Variants in CNTN4 observed in about 807,000 individuals in gnomAD.
CNTN4 encodes the protein contactin 4, also known as contactin-4.
A neutral mutation model predicts 122.5 loss-of-function variants in CNTN4; 77 were observed. The ratio of observed to expected loss-of-function variants is 0.63; its 90% confidence interval spans 0.52 to 0.76. The LOEUF is 0.76. Ranked by LOEUF, CNTN4 falls within the 30% of genes least tolerant of loss-of-function variation. The pLI is 0.00. For synonymous variants in CNTN4, 512 were observed against 447.0 expected (o/e 1.15, Z -1.83); for missense variants, 1,256 against 1,259.1 (o/e 1.00, Z 0.04).
intron 2 of CNTN4, among the ~76,000 whole-genome samples, chr3:2,310,688 T>A (rs976834520): frequency 1.9e-4 from 29 of 152,164 alleles, no homozygotes; most frequent in Non-Finnish European, 4.0e-4. Flanking sequence ...CCTGTGAGAC[T>A]TCAGGTGTTG....
intron 2 of CNTN4, among the ~76,000 whole-genome samples, chr3:2,327,639 A>T (rs894684637): frequency 6.6e-6 from 1 of 152,178 alleles, no homozygotes; most frequent in Non-Finnish European, 1.5e-5. Flanking sequence ...CTCATTAAGG[A>T]ACATAAATAG....
chr3:2,408,570 G>C (rs1274368401), intron 3 of CNTN4, among the ~76,000 whole-genome samples: 5 of 152,050 alleles, frequency 3.3e-5, no homozygotes, highest in Admixed American at 2.0e-4. Context: ...GTATATTTTT[G>C]GGCATGTGAT....
At chr3:2,169,082 T>A (rs1215739757) in intron 2 of CNTN4, among the ~76,000 whole-genome samples, 1 of 152,154 alleles carries the variant, frequency 6.6e-6, no homozygotes, top group Non-Finnish European at 1.5e-5. Flanking sequence ...AAGTTCATGT[T>A]TTGAGAGTCT....
At chr3:2,123,506 C>T (rs1055337939) in intron 2 of CNTN4, among the ~76,000 whole-genome samples, 1 of 152,138 alleles carries the variant, frequency 6.6e-6, no homozygotes, top group African/African-American at 2.4e-5. Context: ...AGCTTTTGCA[C>T]CCCTGTACTT....
rs762400211 is a variant in CNTN4 at position 2,220,074 on chromosome 3, CAG to C, written c.-144-119101_-144-119100del. On this transcript the variant is annotated intron_variant, in intron 2 of 24. Coordinates refer to ENST00000418658, the MANE Select transcript of CNTN4 (RefSeq NM_175607.3). ...TACTCATTTCTTCTCTGCCATCACT[CAG>C]AGTGTTTTCTCCTTCTGGTATACTG... 5.3e-5 allele frequency among the ~76,000 whole-genome samples: 8 copies of C among 152,270 alleles called. No homozygotes were observed. The South Asian group carries it at 1.0e-3, about 20-fold the overall frequency.
At chr3:2,972,355 C>A (rs779363305) in intron 13 of CNTN4, among the ~76,000 whole-genome samples, 2 of 152,048 alleles carry the variant, frequency 1.3e-5, no homozygotes. Flanking sequence ...CAGACACACA[C>A]ACTCAAAGAT....
At chr3:2,676,142 T>C (rs891468633) in intron 4 of CNTN4, among the ~76,000 whole-genome samples, 26 of 152,144 alleles carry the variant, frequency 1.7e-4, no homozygotes, top group Non-Finnish European at 2.5e-4. Flanking sequence ...TCCTACATGA[T>C]GATAATATTT....
At chr3:2,733,572 C>T (rs551980563) in intron 4 of CNTN4, among the ~76,000 whole-genome samples, 3 of 132,254 alleles carry the variant, frequency 2.3e-5, no homozygotes, top group Non-Finnish European at 3.1e-5. Context: ...CTCACAGCAT[C>T]GCCTGGGCTG....
chr3:2,957,262 C>G (rs1181197571), intron 13 of CNTN4, among the ~76,000 whole-genome samples: 1 of 152,094 alleles, frequency 6.6e-6, no homozygotes, highest in Non-Finnish European at 1.5e-5. Context: ...CAGCAGTGTA[C>G]AAGTGTTGCC....
chr3:2,913,876 G>T (rs1042621181), intron 12 of CNTN4, among the ~76,000 whole-genome samples: 3 of 152,154 alleles, frequency 2.0e-5, no homozygotes, highest in African/African-American at 7.2e-5. Context: ...TGCACACATG[G>T]AACAGTGTCC....
At chr3:2,303,695 C>T (rs920814117) in intron 2 of CNTN4, among the ~76,000 whole-genome samples, 4 of 152,116 alleles carry the variant, frequency 2.6e-5, no homozygotes, top group Admixed American at 1.3e-4. Context: ...TCATACCTTG[C>T]AATTTCAGCA....
chr3:2,875,875 G>T (rs141164133), intron 8 of CNTN4, among the ~76,000 whole-genome samples: 261 of 152,248 alleles, frequency 1.7e-3, no homozygotes, highest in African/African-American at 5.9e-3. Context: ...CTTAAAAGAT[G>T]ACATTATAAC....
At chr3:2,694,843 A>C (rs1323634410) in intron 4 of CNTN4, among the ~76,000 whole-genome samples, 2 of 152,238 alleles carry the variant, frequency 1.3e-5, no homozygotes, top group Non-Finnish European at 2.9e-5. Flanking sequence ...TTTAAAGAAC[A>C]TGTAGTTTGA....
At chr3:2,350,864 T>C (rs1357054424) in intron 3 of CNTN4, among the ~76,000 whole-genome samples, 5 of 152,158 alleles carry the variant, frequency 3.3e-5, no homozygotes, top group African/African-American at 1.2e-4. Flanking sequence ...GTAAGAAATA[T>C]GCATGAGAGA....
intron 3 of CNTN4, among the ~76,000 whole-genome samples, chr3:2,439,463 C>T (rs765738870): frequency 4.8e-4 from 73 of 151,826 alleles, no homozygotes; most frequent in Middle Eastern, 3.2e-3. Flanking sequence ...GGATGTTCTT[C>T]CCACTAGCAT....
rs528048932 is a variant in CNTN4 at position 3,048,233 on chromosome 3, A to G, written c.2811+4529A>G. 8.0e-4 allele frequency among the ~76,000 whole-genome samples: 122 copies of G among 152,202 alleles called. 3 individuals are homozygous for G. The highest frequency in any genetic ancestry group is 1.9e-3 in the South Asian group (9 of 4,814). On this transcript the variant is annotated intron_variant, in intron 23 of 24. Coordinates refer to ENST00000418658, the MANE Select transcript of CNTN4 (RefSeq NM_175607.3). Reference sequence around the variant, plus strand: ...AAATGTGGATCAAAAATATTCAGGAAAAAAAACACACAAAAAAATACAATG... The same window carrying G: ...AAATGTGGATCAAAAATATTCAGGAGAAAAAACACACAAAAAAATACAATG...
intron 2 of CNTN4, among the ~76,000 whole-genome samples, chr3:2,131,990 C>T (rs941933594): frequency 6.6e-6 from 1 of 152,156 alleles, no homozygotes; most frequent in African/African-American, 2.4e-5. Context: ...CATGCTGATT[C>T]TGTGTTGTTC....
intron 4 of CNTN4, among the ~76,000 whole-genome samples, chr3:2,661,809 CAA>C (rs544079802): frequency 0.13 from 10,287 of 77,934 alleles, 306 homozygotes; most frequent in Admixed American, 0.17. Context: ...AATTCCATCT[CAA>C]AAAAAAAAAA....
At chr3:2,736,967 A>G (rs928798589) in intron 5 of CNTN4, among the ~76,000 whole-genome samples, 1 of 151,980 alleles carries the variant, frequency 6.6e-6, no homozygotes, top group Admixed American at 6.6e-5. Context: ...TATTTTTAGC[A>G]GAGACAGGAT....
Sources: allele counts gnomAD v4.1 joint callset (sites outside exome capture counted in the v4.1 genomes callset), GRCh38; gene constraint gnomAD v4.1.1; transcripts MANE v1.5; gene names NCBI Gene and HGNC (gene_info 2026-07-23, HGNC 2026-07-21).